NAA11: variants seen among roughly 807,000 people sequenced by gnomAD.
The protein encoded by NAA11 is N-alpha-acetyltransferase 11, NatA catalytic subunit.
Under a neutral mutation model 16.1 loss-of-function variants are expected in NAA11, and 15 were observed. The ratio of observed to expected loss-of-function variants is 0.93; its 90% CI spans 0.62 to 1.44. NAA11 has a LOEUF of 1.44. Ranked by LOEUF, NAA11 falls within the 40% of genes most tolerant of loss-of-function variation. The pLI, the probability that NAA11 is intolerant of heterozygous loss-of-function variation, is 0.00. For synonymous variants in NAA11, 122 were observed against 112.4 expected, an observed-to-expected ratio of 1.09 and a Z score of -0.54; for missense variants, 298 against 291.3, an observed-to-expected ratio of 1.02 and a Z score of -0.17.
the NAA11 span, among the ~76,000 whole-genome samples, chr4:79,182,715 T>G: frequency 6.6e-6 from 1 of 152,112 alleles, no homozygotes; most frequent in Non-Finnish European, 1.5e-5. Flanking sequence ...GAAAGAATAA[T>G]AAAATGCTTC....
At chr4:79,324,504 T>C (rs940049852) in intron 1 of NAA11, among the ~76,000 whole-genome samples, 3 of 152,236 alleles carry the variant, frequency 2.0e-5, no homozygotes, top group Non-Finnish European at 4.4e-5. Flanking sequence ...ACCAGGTCAT[T>C]TGTTTTGTAA....
the NAA11 span, among the ~76,000 whole-genome samples, chr4:79,220,325 C>A: frequency 2.0e-5 from 3 of 151,958 alleles, no homozygotes; most frequent in Non-Finnish European, 2.9e-5. Flanking sequence ...GGTCCTGACC[C>A]CAAGTGATCC....
intron 1 of NAA11, among the ~76,000 whole-genome samples, chr4:79,303,085 T>C (rs1415763420): frequency 2.1e-4 from 5 of 23,542 alleles, no homozygotes; most frequent in Non-Finnish European, 3.9e-4. Flanking sequence ...TTTATATATA[T>C]ATATATATAT....
intron 2 of NAA11, chr4:79,244,638 C>CCCCCTCCCCCTCCCCAGCTCCCCTCT (rs60096999): frequency 2.3e-5 from 1 of 44,336 alleles, no homozygotes; most frequent in Non-Finnish European, 5.2e-5. Flanking sequence ...CCCTCCCCCT[C>CCCCCTCCCCCTCCCCAGCTCCCCTCT]CCCGTCTCCG....
chr4:79,281,110 G>A (rs1009821337), intron 2 of NAA11, among the ~76,000 whole-genome samples: 13 of 151,928 alleles, frequency 8.6e-5, no homozygotes, highest in Non-Finnish European at 5.9e-5. Context: ...CTACAGCTGG[G>A]TACCATCATT....
the NAA11 span, among the ~76,000 whole-genome samples, chr4:79,162,028 G>A: frequency 6.6e-6 from 1 of 152,054 alleles, no homozygotes; most frequent in Non-Finnish European, 1.5e-5. Flanking sequence ...GTAGTTTTTA[G>A]TATGCATGTG....
intron 2 of NAA11, among the ~76,000 whole-genome samples, chr4:79,230,280 G>A (rs926751298): frequency 6.6e-6 from 1 of 151,790 alleles, no homozygotes; most frequent in Non-Finnish European, 1.5e-5. Context: ...GTTGTGGGGT[G>A]GGGGGAGAGG....
intron 1 of NAA11, 146 bp downstream of exon 1, chr4:79,325,030 C>G: frequency 1.5e-6 from 1 of 663,308 alleles, no homozygotes; most frequent in Non-Finnish European, 2.5e-6. Context: ...TCAACTCACT[C>G]TAACTTCTCC....
At chr4:79,312,922 T>C (rs1723821751), downstream of NAA11, among the ~76,000 whole-genome samples, 1 of 152,224 alleles carries the variant, frequency 6.6e-6, no homozygotes, top group African/African-American at 2.4e-5. Context: ...ATATATTACA[T>C]ATGAATGCTT....
At chr4:79,171,706 T>C in the NAA11 span, among the ~76,000 whole-genome samples, 3 of 152,162 alleles carry the variant, frequency 2.0e-5, no homozygotes, top group African/African-American at 7.2e-5. Flanking sequence ...TCAGAGAAAA[T>C]GTTACCGTGG....
chr4:79,262,805 G>A (rs1722269204), intron 2 of NAA11, among the ~76,000 whole-genome samples: 1 of 152,058 alleles, frequency 6.6e-6, no homozygotes, highest in Non-Finnish European at 1.5e-5. Context: ...TAAATATAAG[G>A]ATATTTTGTG....
intron 1 of NAA11, among the ~76,000 whole-genome samples, chr4:79,318,727 C>T (rs927836741): frequency 6.6e-6 from 1 of 152,074 alleles, no homozygotes; most frequent in Non-Finnish European, 1.5e-5. Flanking sequence ...TCATCATTGC[C>T]TTTTTCATTT....
intron 2 of NAA11, among the ~76,000 whole-genome samples, chr4:79,276,402 A>G (rs771664766): frequency 1.1e-4 from 16 of 151,928 alleles, no homozygotes; most frequent in Non-Finnish European, 2.1e-4. Context: ...AAGTCTTACC[A>G]AGCTCTCTCT....
Position 79,325,645 on chromosome 4 carries a change from T to C in NAA11, c.233A>G (p.Lys78Arg), listed in dbSNP as rs1234665264. 2 of 1,614,080 alleles carry C rather than the reference T, an allele frequency of 1.2e-6. No individual in the cohort carries two copies. The highest frequency in any genetic ancestry group is 1.7e-6 in the Non-Finnish European group (2 of 1,179,958). The change falls in exon 1 of 2, where the codon AAG becomes AGG. Residue 78 changes from lysine (K) to arginine (R), a missense_variant. By Grantham distance (26) the Lys-to-Arg change is conservative (BLOSUM62 2). Coordinates refer to ENST00000286794, the MANE Select transcript of NAA11 (RefSeq NM_032693.3). ...PHGHITSLAV[K>R]RSHRRLGLAQ... ...CAGGCCGAGGCGCCGGTGTGAACGC[T>C]TCACGGCCAGTGAGGTGATATGGCC...
the NAA11 span, among the ~76,000 whole-genome samples, chr4:79,172,084 T>C: frequency 1.3e-5 from 2 of 152,116 alleles, no homozygotes; most frequent in East Asian, 1.9e-4. Context: ...CAGGAAAAGG[T>C]ATGAAATCAG....
chr4:79,157,503 A>G, the NAA11 span, among the ~76,000 whole-genome samples: 1 of 151,856 alleles, frequency 6.6e-6, no homozygotes, highest in East Asian at 1.9e-4. Flanking sequence ...ACACATATAT[A>G]TGTATGTATA....
chr4:79,319,330 T>C (rs1020809121), intron 1 of NAA11, among the ~76,000 whole-genome samples: 1 of 152,154 alleles, frequency 6.6e-6, no homozygotes, highest in African/African-American at 2.4e-5. Context: ...TTTGTCGATA[T>C]GGTGTTATAA....
the NAA11 span, among the ~76,000 whole-genome samples, chr4:79,200,806 C>G: frequency 5.3e-5 from 8 of 151,840 alleles, no homozygotes; most frequent in African/African-American, 1.4e-4. Flanking sequence ...AAATCCTGGG[C>G]TTTTCATTGA....
the NAA11 span, among the ~76,000 whole-genome samples, chr4:79,182,105 T>C: frequency 6.6e-6 from 1 of 152,172 alleles, no homozygotes; most frequent in African/African-American, 2.4e-5. Flanking sequence ...GGGCAGGGAA[T>C]GTCTTATGGG....
Sources: allele counts gnomAD v4.1 joint callset (sites outside exome capture counted in the v4.1 genomes callset), GRCh38; gene constraint gnomAD v4.1.1; transcripts MANE v1.5; gene names NCBI Gene and HGNC (gene_info 2026-07-23, HGNC 2026-07-21).